Variants in KAZN observed in about 807,000 individuals in gnomAD.
KAZN encodes the protein kazrin.
Under a neutral mutation model 87.4 loss-of-function variants are expected in KAZN, and 40 were observed. The observed-to-expected ratio is 0.46, with a 90% CI of 0.36 to 0.60. KAZN has a LOEUF of 0.60. Ranked by LOEUF, KAZN falls within the 20% of genes least tolerant of loss-of-function variation. KAZN has a pLI of 0.00. For missense variants in KAZN, 898 were observed against 1,073.9 expected, an observed-to-expected ratio of 0.84 and a Z score of 2.29; for synonymous variants, 466 against 458.3, an observed-to-expected ratio of 1.02 and a Z score of -0.22.
Position 15,103,508 on chromosome 1 carries a change from C to G in KAZN, c.1881+48C>G, listed in dbSNP as rs540264424. 1.4e-4 allele frequency: 170 copies of G among 1,236,080 alleles called. 2 individuals carry two copies. The South Asian group carries it at 2.0e-3, about 14-fold the overall frequency. 76.6% of individuals were successfully genotyped at this position (1,236,080 alleles called of 1,614,324 possible). On this transcript the variant is annotated intron_variant, in intron 12 of 14. Transcript: ENST00000376030. ...GGGTGACTCTCGGGCATACACAAACCCCATGCAAATCTATATGCAAATCAA... is the reference window on the plus strand; with the variant it reads ...GGGTGACTCTCGGGCATACACAAACGCCATGCAAATCTATATGCAAATCAA...
intron 2 of KAZN, among the ~76,000 whole-genome samples, chr1:15,008,687 C>T (rs970011048): frequency 5.3e-5 from 8 of 152,224 alleles, no homozygotes; most frequent in Non-Finnish European, 1.2e-4. Context: ...CTCTTTCTAG[C>T]TTGTCCCGTC....
intron 3 of KAZN, among the ~76,000 whole-genome samples, chr1:15,037,824 G>C (rs987776826): frequency 5.3e-5 from 8 of 152,130 alleles, no homozygotes; most frequent in Admixed American, 3.9e-4. Flanking sequence ...ATGGGGTGGA[G>C]AGGCAAGACC....
At position 14,697,150 on chromosome 1, in the gene KAZN, AAAAAAAAG is replaced by A. The variant is rs1429634362; in HGVS notation, c.226+97932_226+97939del. Among the ~76,000 whole-genome samples, 1,130 of 145,050 alleles carry A rather than the reference AAAAAAAAG, an allele frequency of 7.8e-3. 20 individuals carry two copies. Among genetic ancestry groups the A allele is most frequent in the African/African-American group, 0.028 (1,054 of 38,322 alleles). On this transcript the variant is annotated intron_variant, in intron 1 of 14. Transcript: ENST00000376030. ...GTACAAACAAACCAACAAAAAAAAA[AAAAAAAAG>A]AAAAGAAAAGAAAAGAAATAATTGA...
chr1:14,829,039 G>T (rs74059605), intron 1 of KAZN, among the ~76,000 whole-genome samples: 1 of 152,148 alleles, frequency 6.6e-6, no homozygotes, highest in Non-Finnish European at 1.5e-5. Flanking sequence ...GATATCCTGG[G>T]TGGCTTAAGC....
chr1:14,007,863 A>T (rs1168088630), intron 1 of KAZN, among the ~76,000 whole-genome samples: 1 of 152,162 alleles, frequency 6.6e-6, no homozygotes, highest in Non-Finnish European at 1.5e-5. Context: ...AAAGGAAAGG[A>T]GTGTTGGAAC....
At chr1:14,701,202 G>GC (rs2148804320) in intron 1 of KAZN, among the ~76,000 whole-genome samples, 1 of 152,264 alleles carries the variant, frequency 6.6e-6, no homozygotes, top group African/African-American at 2.4e-5. Flanking sequence ...CTGCACTTAA[G>GC]CCCAACCTCC....
intron 1 of KAZN, among the ~76,000 whole-genome samples, chr1:14,812,124 G>A (rs1646429927): frequency 1.3e-5 from 2 of 151,882 alleles, no homozygotes; most frequent in Admixed American, 6.6e-5. Flanking sequence ...GAAATGTTCA[G>A]CACCTCCTCA....
intron 1 of KAZN, among the ~76,000 whole-genome samples, chr1:14,004,576 C>G (rs950533370): frequency 6.6e-6 from 1 of 152,172 alleles, no homozygotes; most frequent in Admixed American, 6.5e-5. Flanking sequence ...CTAGAAGAAG[C>G]ACGATGAGAA....
At chr1:14,082,929 C>T (rs1376410829) in intron 1 of KAZN, among the ~76,000 whole-genome samples, 1 of 152,226 alleles carries the variant, frequency 6.6e-6, no homozygotes, top group Non-Finnish European at 1.5e-5. Flanking sequence ...GGCGTGGTGG[C>T]TCACGCCTGT....
chr1:15,041,331 C>CTTTTTTTTTTTT (rs71000360), intron 3 of KAZN, among the ~76,000 whole-genome samples: 7 of 114,136 alleles, frequency 6.1e-5, no homozygotes, highest in Non-Finnish European at 8.5e-5. Context: ...CATTTTTTTT[C>CTTTTTTTTTTTT]TTTTTTTTTT....
At chr1:14,535,468 C>T (rs1672443807) in intron 2 of KAZN, among the ~76,000 whole-genome samples, 1 of 152,140 alleles carries the variant, frequency 6.6e-6, no homozygotes, top group Non-Finnish European at 1.5e-5. Flanking sequence ...GAGATTGAGA[C>T]CATCCTGGCC....
chr1:14,041,219 C>T (rs1641825346), intron 1 of KAZN, among the ~76,000 whole-genome samples: 1 of 152,210 alleles, frequency 6.6e-6, no homozygotes. Flanking sequence ...GGACTTCTGA[C>T]TTTCTTACAC....
intron 1 of KAZN, among the ~76,000 whole-genome samples, chr1:13,903,279 A>T (rs1639314334): frequency 6.6e-6 from 1 of 152,232 alleles, no homozygotes; most frequent in Admixed American, 6.5e-5. Flanking sequence ...TAGTTCCTTG[A>T]CCAATTCAGA....
At chr1:13,929,046 G>GTTTTTT (rs1640398534) in intron 1 of KAZN, among the ~76,000 whole-genome samples, 10 of 80,220 alleles carry the variant, frequency 1.2e-4, no homozygotes, top group African/African-American at 1.9e-4. Flanking sequence ...CAGCTTCAAG[G>GTTTTTT]CTTTTTTTTT....
chr1:14,207,439 A>G (rs1167321961), intron 2 of KAZN, among the ~76,000 whole-genome samples: 1 of 152,076 alleles, frequency 6.6e-6, no homozygotes, highest in South Asian at 2.1e-4. Flanking sequence ...ATGTTTTTCA[A>G]AGCTTTGCTG....
intron 1 of KAZN, among the ~76,000 whole-genome samples, chr1:13,945,860 G>A (rs1257217613): frequency 6.6e-6 from 1 of 152,138 alleles, no homozygotes; most frequent in Non-Finnish European, 1.5e-5. Context: ...AGATGCAGTG[G>A]TGTGGTTTTC....
Position 14,201,439 on chromosome 1 carries a change from C to A in KAZN, c.249+20847C>A, listed in dbSNP as rs1288492871. 3.0e-4 allele frequency among the ~76,000 whole-genome samples: 45 copies of A among 152,200 alleles called. 1 individual carries two copies. The highest frequency in any genetic ancestry group is 2.9e-3 in the Admixed American group (45 of 15,284). ...AATGACATAGCTGACTGGCACTGGGCCCTGGCTGCCCCGGAGCAGCTGGTG... is the reference window on the plus strand; with the variant it reads ...AATGACATAGCTGACTGGCACTGGGACCTGGCTGCCCCGGAGCAGCTGGTG... On this transcript the variant is annotated intron_variant, in intron 2 of 16. Transcript: ENST00000636203.
chr1:14,133,377 A>AAAAAGAAAG (rs1553132989), intron 1 of KAZN, among the ~76,000 whole-genome samples: 32 of 72,046 alleles, frequency 4.4e-4, no homozygotes, highest in African/African-American at 1.5e-3. Context: ...AAAAAAAAAA[A>AAAAAGAAAG]AAAGAAAGAA....
chr1:14,396,654 A>G (rs965805689), intron 2 of KAZN, among the ~76,000 whole-genome samples: 14 of 152,238 alleles, frequency 9.2e-5, no homozygotes, highest in African/African-American at 3.1e-4. Flanking sequence ...AAGATAATCT[A>G]AAATTGAGAA....
Sources: allele counts gnomAD v4.1 joint callset (sites outside exome capture counted in the v4.1 genomes callset), GRCh38; gene constraint gnomAD v4.1.1; transcripts MANE v1.5; gene names NCBI Gene and HGNC (gene_info 2026-07-23, HGNC 2026-07-21).